The following MACO1 variants were observed in gnomAD, a reference collection of about 807,000 sequenced individuals.
The protein encoded by MACO1 is macoilin 1, also known as macoilin.
A neutral mutation model predicts 78.7 loss-of-function variants in MACO1; 14 were observed. The observed-to-expected ratio is 0.18, with a 90% confidence interval of 0.12 to 0.28. MACO1 has a LOEUF of 0.28. MACO1 is among the 10% of genes least tolerant of loss of function. The pLI, the probability that MACO1 is intolerant of heterozygous loss-of-function variation, is 1.00. For missense variants in MACO1, 501 were observed against 799.0 expected, an observed-to-expected ratio of 0.63 and a Z score of 4.50; for synonymous variants, 288 against 291.6, an observed-to-expected ratio of 0.99 and a Z score of 0.12.
chr1:25,436,166 A>G (rs894733883), intron 1 of MACO1, among the ~76,000 whole-genome samples: 3 of 152,044 alleles, frequency 2.0e-5, no homozygotes, highest in Non-Finnish European at 4.4e-5. Context: ...AATTATTTAC[A>G]TTTTCTTACT....
chr1:25,484,337 A>C, intron 7 of MACO1, 63 bp downstream of exon 7: 1 of 1,497,734 alleles, frequency 6.7e-7, no homozygotes, highest in Non-Finnish European at 8.9e-7. Context: ...TCCTGTTGCC[A>C]GGGGTTGGAG....
intron 6 of MACO1, among the ~76,000 whole-genome samples, chr1:25,478,568 A>G (rs955090214): frequency 3.3e-5 from 5 of 152,256 alleles, no homozygotes; most frequent in Non-Finnish European, 2.9e-5. Flanking sequence ...CATCTGACAC[A>G]GGGACCTGAG....
chr1:25,431,643 A>G (rs11249249), intron 1 of MACO1, among the ~76,000 whole-genome samples: 66,947 of 151,720 alleles, frequency 0.44, 16,120 homozygotes, highest in Non-Finnish European at 0.55. Context: ...GGGGAGGCTG[A>G]CAAAGTTGAG....
intron 1 of MACO1, among the ~76,000 whole-genome samples, chr1:25,432,037 G>A (rs773012437): frequency 9.9e-5 from 15 of 151,996 alleles, no homozygotes; most frequent in Non-Finnish European, 2.1e-4. Context: ...TCCCCAAGTC[G>A]ATTTGTGTAC....
chr1:25,496,304 A>G (rs947165764), intron 10 of MACO1, among the ~76,000 whole-genome samples: 3 of 151,982 alleles, frequency 2.0e-5, no homozygotes, highest in Non-Finnish European at 2.9e-5. Flanking sequence ...TGAACCACCA[A>G]GTCTGGCTAA....
At chr1:25,456,863 T>G in intron 5 of MACO1, 32 bp downstream of exon 5, 2 of 1,553,528 alleles carry the variant, frequency 1.3e-6, no homozygotes, top group Non-Finnish European at 1.7e-6. Flanking sequence ...GTTGGCTCAA[T>G]AGGCTAGTCA....
At position 25,498,381 on chromosome 1, in the gene MACO1, C is replaced by G; in HGVS notation, c.1910C>G (p.Ser637Cys). ...GCCACCAGCCCCCTGAGCCCTGTTTCCCCCCACTACTCTTCCAAATTTGTG... is the reference window on the plus strand; with the variant it reads ...GCCACCAGCCCCCTGAGCCCTGTTTGCCCCCACTACTCTTCCAAATTTGTG... ...SAATSPLSPV[S>C]PHYSSKFVET... The change falls in exon 11 of 11, where the codon TCC (serine) becomes TGC (cysteine). Residue 637 changes from serine (S) to cysteine (C), a missense_variant. Coordinates refer to ENST00000374343, the MANE Select transcript of MACO1 (RefSeq NM_018202.6). 1.2e-6 allele frequency: 2 copies of G among 1,614,022 alleles called. No homozygotes were observed. The highest frequency in any genetic ancestry group is 1.7e-6 in the Non-Finnish European group (2 of 1,179,992).
intron 6 of MACO1, among the ~76,000 whole-genome samples, chr1:25,481,989 C>T (rs1041162670): frequency 6.6e-6 from 1 of 152,134 alleles, no homozygotes; most frequent in Admixed American, 6.5e-5. Context: ...TAAAGCTGCC[C>T]TATGTCAGGC....
At chr1:25,458,350 G>C (rs765050020) in intron 5 of MACO1, 41 bp from the exon 6 acceptor site, 1 of 1,533,230 alleles carries the variant, frequency 6.5e-7, no homozygotes, top group East Asian at 2.3e-5. Flanking sequence ...AAATATTCCG[G>C]TGGGGGCTTT....
intron 6 of MACO1, among the ~76,000 whole-genome samples, chr1:25,467,527 C>T (rs1238461949): frequency 1.3e-5 from 2 of 152,164 alleles, no homozygotes; most frequent in Non-Finnish European, 2.9e-5. Context: ...TTAAAGCAAA[C>T]GTCTCTTCTC....
At chr1:25,466,449 G>T (rs139140966) in intron 6 of MACO1, among the ~76,000 whole-genome samples, 1,536 of 152,260 alleles carry the variant, frequency 0.01, 26 homozygotes, top group African/African-American at 0.034. Context: ...GAGTAGCTGG[G>T]ATTACAGACA....
chr1:25,455,986 G>A (rs1430794787), intron 4 of MACO1, among the ~76,000 whole-genome samples: 2 of 152,010 alleles, frequency 1.3e-5, no homozygotes, highest in African/African-American at 2.4e-5. Flanking sequence ...CAGGCCAGGC[G>A]TGGTGGCTCA....
chr1:25,479,382 C>G (rs1310496031), intron 6 of MACO1, among the ~76,000 whole-genome samples: 1 of 152,254 alleles, frequency 6.6e-6, no homozygotes, highest in East Asian at 1.9e-4. Context: ...TTCTAGCACT[C>G]AACTATCTTG....
intron 6 of MACO1, among the ~76,000 whole-genome samples, chr1:25,461,540 G>A (rs1473536302): frequency 6.6e-6 from 1 of 151,832 alleles, no homozygotes; most frequent in Non-Finnish European, 1.5e-5. Flanking sequence ...TGTTGTTAAG[G>A]TACAGGCATT....
chr1:25,444,447 A>G (rs1006918546), intron 1 of MACO1, among the ~76,000 whole-genome samples: 4 of 152,002 alleles, frequency 2.6e-5, no homozygotes, highest in Admixed American at 2.0e-4. Flanking sequence ...AGAGGCTGTT[A>G]TTCCTTTTTC....
At chr1:25,495,716 C>T (rs772960848) in intron 10 of MACO1, among the ~76,000 whole-genome samples, 32 of 152,170 alleles carry the variant, frequency 2.1e-4, no homozygotes, top group Non-Finnish European at 4.1e-4. Context: ...GTAATACCAG[C>T]ACTTTGGGAG....
chr1:25,449,784 T>C (rs2043048852), intron 3 of MACO1, among the ~76,000 whole-genome samples: 1 of 152,190 alleles, frequency 6.6e-6, no homozygotes, highest in African/African-American at 2.4e-5. Flanking sequence ...TTTGGGAGGC[T>C]GAGGCAGGCA....
intron 1 of MACO1, among the ~76,000 whole-genome samples, chr1:25,440,475 G>A (rs966565518): frequency 6.6e-6 from 1 of 150,604 alleles, no homozygotes; most frequent in Non-Finnish European, 1.5e-5. Flanking sequence ...TCACTTAAAA[G>A]TACCAATAAA....
intron 3 of MACO1, among the ~76,000 whole-genome samples, chr1:25,452,892 T>A (rs1363260688): frequency 1.3e-5 from 2 of 152,092 alleles, no homozygotes; most frequent in African/African-American, 4.8e-5. Flanking sequence ...AGATGGGGTT[T>A]CACCATGTTA....
Sources: allele counts gnomAD v4.1 joint callset (sites outside exome capture counted in the v4.1 genomes callset), GRCh38; gene constraint gnomAD v4.1.1; transcripts MANE v1.5; gene names NCBI Gene and HGNC (gene_info 2026-07-23, HGNC 2026-07-21).